Variants in COL18A1 observed in about 807,000 individuals in gnomAD.
COL18A1 encodes collagen type XVIII alpha 1 chain.
In COL18A1, 133 loss-of-function variants were observed where a neutral mutation model predicts 168.0. The observed-to-expected ratio is 0.79, with a 90% CI of 0.69 to 0.91. The LOEUF is 0.91. Among genes scored for constraint, COL18A1 ranks in the 40% least tolerant of loss-of-function variants. The pLI is 0.00. For synonymous variants in COL18A1, 949 were observed against 809.0 expected (o/e 1.17, Z -2.94); for missense variants, 2,126 against 1,925.4 (o/e 1.10, Z -1.95).
chr21:45,461,423 A>C (rs1020767632), intron 2 of COL18A1, among the ~76,000 whole-genome samples: 1 of 150,944 alleles, frequency 6.6e-6, no homozygotes, highest in African/African-American at 2.4e-5. Flanking sequence ...ATTGCACCCC[A>C]CTCTGTGCAT....
At position 45,457,083 on chromosome 21, in the gene COL18A1, G is replaced by A. The variant is rs1602426835; in HGVS notation, c.107-11159G>A. ...CCGGCGTCTGGACAGGAAGAGGGCT[G>A]GATGAACCGCAGCCGATGTGTCCAG... On this transcript the variant is annotated intron_variant, in intron 2 of 41. Coordinates refer to ENST00000651438, the MANE Select transcript of COL18A1 (RefSeq NM_001379500.1). This position sits in a 1 kb window ranked among gnomAD's most constrained non-coding sequence, Gnocchi z 4.6. 6.6e-6 allele frequency among the ~76,000 whole-genome samples: 1 copy of A among 152,266 alleles called. No individual in the cohort carries two copies. The highest frequency in any genetic ancestry group is 1.9e-4 in the East Asian group (1 of 5,170).
chr21:45,452,862 T>C (rs1202053730), intron 2 of COL18A1, among the ~76,000 whole-genome samples: 1 of 151,700 alleles, frequency 6.6e-6, no homozygotes, highest in East Asian at 1.9e-4. Flanking sequence ...TGTGTGGGGC[T>C]TGTGTATGCA....
Position 45,492,678 on chromosome 21 carries a change from T to C in COL18A1, c.2188-9T>C. ...ATGACCCCAGCTGACGCCGTCCCTC[T>C]TTCCCCAGGGCCGGCCGGGTTTCGC... On this transcript the variant is annotated splice_polypyrimidine_tract_variant and intron_variant, in intron 23 of 41. Coordinates refer to ENST00000651438, the MANE Select transcript of COL18A1 (RefSeq NM_001379500.1). The C allele has an allele frequency of 6.2e-7, 1 of 1,611,460 alleles. No homozygotes were observed. Among genetic ancestry groups the C allele is most frequent in the Non-Finnish European group, 8.5e-7 (1 of 1,179,342 alleles).
rs2036587880 is a variant in COL18A1, at chr21:45,497,642, G to A, written c.2664G>A (p.Val888=). 1.9e-6 allele frequency: 3 copies of A among 1,568,602 alleles called. No individual in the cohort carries two copies. Among genetic ancestry groups the A allele is most frequent in the Non-Finnish European group, 2.6e-6 (3 of 1,157,182 alleles). The change falls in exon 32 of 42, where the codon GTG becomes GTA. Residue 888 remains valine (V), a synonymous_variant. Coordinates refer to ENST00000651438, the MANE Select transcript of COL18A1 (RefSeq NM_001379500.1). ...GACCCAAGGGCGCCAAAGGAGAAGTGGGCCCCCCCGGACCACCAGGTGAGC... is the reference window on the plus strand; with the variant it reads ...GACCCAAGGGCGCCAAAGGAGAAGTAGGCCCCCCCGGACCACCAGGTGAGC... ...PPGPKGAKGE[V]GPPGPPGQFP... is the part of the protein sequence containing the mutation.
intron 2 of COL18A1, among the ~76,000 whole-genome samples, chr21:45,412,148 A>C (rs958977321): frequency 2.0e-4 from 31 of 151,672 alleles, no homozygotes; most frequent in African/African-American, 7.3e-4. Flanking sequence ...TGATGCTTTC[A>C]GCTCTGGATG....
chr21:45,471,697 C>T lies in COL18A1; in HGVS notation c.652-2198C>T, dbSNP rs916677266. Among the ~76,000 whole-genome samples the T allele has an allele frequency of 2.6e-5, 4 of 152,120 alleles. No homozygotes were observed. The highest frequency in any genetic ancestry group is 2.1e-4 in the South Asian group (1 of 4,828). On this transcript the variant is annotated intron_variant, in intron 3 of 41. Transcript: ENST00000651438. The surrounding 1 kb of genome is among the most constrained non-coding windows in gnomAD (Gnocchi z 4.4). ...ATCATGCACCCCTCCCAGCTGCTGC[C>T]GTTGCCTTGAACGTCATTTCCAGCT...
chr21:45,416,798 A>G (rs2033461786), intron 2 of COL18A1, among the ~76,000 whole-genome samples: 1 of 152,098 alleles, frequency 6.6e-6, no homozygotes, highest in Non-Finnish European at 1.5e-5. Flanking sequence ...TGGGTCTTTT[A>G]TCCCCAGCCC....
rs1428746490 is a variant in COL18A1 at position 45,510,091 on chromosome 21, C to T, written c.3523C>T (p.Leu1175=). ...CCACCTGGTTGCGCTCAACAGCCCCCTGTCAGGCGGCATGCGGGGCATCCG... is the reference window on the plus strand; with the variant it reads ...CCACCTGGTTGCGCTCAACAGCCCCTTGTCAGGCGGCATGCGGGGCATCCG... The part of the protein sequence containing the change: ...VLHLVALNSP[L]SGGMRGIRGA... Residue 1175 remains leucine, a synonymous_variant, in exon 40 of 42, where the codon CTG becomes TTG. Transcript: ENST00000651438. The T allele has an allele frequency of 1.3e-6, 2 of 1,585,016 alleles. No individual in the cohort carries two copies. The highest frequency in any genetic ancestry group is 1.7e-6 in the Non-Finnish European group (2 of 1,168,730).
intron 2 of COL18A1, among the ~76,000 whole-genome samples, chr21:45,411,754 G>T: frequency 7.4e-6 from 1 of 135,506 alleles, no homozygotes; most frequent in Non-Finnish European, 1.6e-5. Flanking sequence ...AGTCAGGGCT[G>T]ATGGCGGGGG....
chr21:45,495,751 T>TACACATGCCCATACACTCCACATAGGTGC (rs2146005055), intron 29 of COL18A1: 3 of 389,686 alleles, frequency 7.7e-6, no homozygotes, highest in African/African-American at 4.2e-5. Context: ...CTCATGTGTG[T>TACACATGCCCATACACTCCACATAGGTGC]ACACATGCCC....
At chr21:45,459,849 T>C (rs865916068) in intron 2 of COL18A1, among the ~76,000 whole-genome samples, 1 of 152,014 alleles carries the variant, frequency 6.6e-6, no homozygotes, top group African/African-American at 2.4e-5. Flanking sequence ...TGGGACTCTG[T>C]GAGTGACACA....
rs1417127458 is a variant in COL18A1 at position 45,438,106 on chromosome 21, ACT to A, written c.107-30134_107-30133del. Among the ~76,000 whole-genome samples the A allele has an allele frequency of 4.5e-5, 5 of 110,318 alleles. 1 individual carries two copies. Among genetic ancestry groups the A allele is most frequent in the Admixed American group, 1.8e-4 (2 of 11,324 alleles). The allele number at this position is 110,318 out of a possible 152,430, so 72.4% of individuals were successfully genotyped here. A position where few individuals can be genotyped will look rare whatever the true frequency, so the allele number is the denominator to read the frequency against. ...CTCTCCTGCACACACTCACACTCACACTCAGACACACAGGCACTCTCCTGCAC... is the reference window on the plus strand; with the variant it reads ...CTCTCCTGCACACACTCACACTCACACAGACACACAGGCACTCTCCTGCAC... On this transcript the variant is annotated intron_variant, in intron 2 of 41. Transcript: ENST00000651438.
chr21:45,415,098 G>A (rs2033403847), intron 2 of COL18A1, among the ~76,000 whole-genome samples: 1 of 152,140 alleles, frequency 6.6e-6, no homozygotes, highest in South Asian at 2.1e-4. Flanking sequence ...TTAAGACACT[G>A]ACTGACTTGT....
chr21:45,492,211 G>A (rs138307828), intron 22 of COL18A1, among the ~76,000 whole-genome samples: 4 of 152,322 alleles, frequency 2.6e-5, no homozygotes, highest in Admixed American at 6.5e-5. Flanking sequence ...TGACGGTCAA[G>A]ACATCAGAAC....
intron 13 of COL18A1, 81 bp downstream of exon 13, chr21:45,480,939 C>T (rs1054949776): frequency 2.6e-6 from 4 of 1,525,658 alleles, no homozygotes; most frequent in Non-Finnish European, 3.5e-6. Flanking sequence ...GGAGCCCCTG[C>T]CCCGCCTCAG....
intron 2 of COL18A1, among the ~76,000 whole-genome samples, chr21:45,438,282 A>G (rs527548902): frequency 9.5e-6 from 1 of 105,178 alleles, no homozygotes; most frequent in South Asian, 3.1e-4. Context: ...ACACACAGGC[A>G]CTCTCCTGCA....
chr21:45,496,656 G>C, intron 30 of COL18A1, 88 bp downstream of exon 30: 5 of 786,806 alleles, frequency 6.4e-6, no homozygotes, highest in Non-Finnish European at 1.2e-5. Flanking sequence ...TTCTCCCCTG[G>C]CCTCTGCGTC....
intron 9 of COL18A1, among the ~76,000 whole-genome samples, chr21:45,479,627 C>T (rs907619419): frequency 6.6e-6 from 1 of 152,118 alleles, no homozygotes; most frequent in Non-Finnish European, 1.5e-5. Context: ...ATGTATGTAA[C>T]ACCCAAGCAC....
chr21:45,505,027 A>C, intron 34 of COL18A1, 107 bp from the exon 35 acceptor site: 1 of 1,425,304 alleles, frequency 7.0e-7, no homozygotes, highest in Non-Finnish European at 9.6e-7. Context: ...GGTGACTCAG[A>C]GGCTGCGCTC....
Sources: gnomAD v4.1 joint callset for allele counts (sites outside exome capture counted in the v4.1 genomes callset) on GRCh38, gnomAD v4.1.1 for gene constraint, Gnocchi (gnomAD v3.1) non-coding constraint, MANE v1.5 for transcripts, NCBI Gene and HGNC (gene_info 2026-07-23, HGNC 2026-07-21) for gene names.